The following RAB38 variants were observed in gnomAD, a reference collection of about 807,000 sequenced individuals.
The protein encoded by RAB38 is ras-related protein Rab-38.
In RAB38, 15 loss-of-function variants were observed where a neutral mutation model predicts 18.4. The observed-to-expected ratio is 0.82, with a 90% CI of 0.55 to 1.26. The LOEUF is 1.26. Among genes scored for constraint, RAB38 ranks in the 50% most tolerant of loss-of-function variants. The pLI is 0.00. For synonymous variants in RAB38, 101 were observed against 104.4 expected (o/e 0.97, Z 0.20); for missense variants, 294 against 267.4 (o/e 1.10, Z -0.69).
the RAB38 span, among the ~76,000 whole-genome samples, chr11:88,040,835 A>G: frequency 1.3e-5 from 2 of 152,210 alleles, no homozygotes; most frequent in African/African-American, 2.4e-5. Context: ...AACTCAGCCT[A>G]TAACACTTGC....
At chr11:87,878,578 T>G in the RAB38 span, among the ~76,000 whole-genome samples, 1 of 151,602 alleles carries the variant, frequency 6.6e-6, no homozygotes, top group African/African-American at 2.4e-5. Flanking sequence ...TCGGAGGATG[T>G]TTTTATCAAA....
chr11:87,942,783 T>A, the RAB38 span, among the ~76,000 whole-genome samples: 1 of 152,276 alleles, frequency 6.6e-6, no homozygotes, highest in East Asian at 1.9e-4. Context: ...AATTCTCACT[T>A]AGAGGAATGT....
At chr11:87,889,647 C>T in the RAB38 span, among the ~76,000 whole-genome samples, 1 of 151,858 alleles carries the variant, frequency 6.6e-6, no homozygotes, top group Admixed American at 6.6e-5. Flanking sequence ...AAAAGAAGCA[C>T]ACAGAAGCCA....
chr11:88,054,701 T>C, the RAB38 span, among the ~76,000 whole-genome samples: 1 of 152,220 alleles, frequency 6.6e-6, no homozygotes, highest in African/African-American at 2.4e-5. Flanking sequence ...TTGTTCAGGG[T>C]GATAGATGTG....
At chr11:87,906,835 T>G in the RAB38 span, among the ~76,000 whole-genome samples, 1 of 151,936 alleles carries the variant, frequency 6.6e-6, no homozygotes, top group East Asian at 1.9e-4. Context: ...TATTCACCCA[T>G]TGATATATCT....
the RAB38 span, among the ~76,000 whole-genome samples, chr11:88,084,647 C>G: frequency 1.3e-5 from 2 of 151,806 alleles, no homozygotes; most frequent in African/African-American, 4.8e-5. Flanking sequence ...GGATCCTTCT[C>G]TGACTCTTTT....
chr11:88,113,610 C>A lies in RAB38; in HGVS notation c.*378G>T. On this transcript the variant is annotated 3_prime_UTR_variant, in exon 3 of 3. Coordinates refer to ENST00000243662, the MANE Select transcript of RAB38 (RefSeq NM_022337.3). Reference sequence around the variant, plus strand: ...TATACTGAAATCTGGAAAAAGACACCAGGGCAAGGTGAAAGCCAGTCCTTG... The same window carrying A: ...TATACTGAAATCTGGAAAAAGACACAAGGGCAAGGTGAAAGCCAGTCCTTG... The A allele has an allele frequency of 1.1e-5, 2 of 176,720 alleles. No individual in the cohort carries two copies. Among genetic ancestry groups the A allele is most frequent in the African/African-American group, 2.4e-5 (1 of 42,406 alleles). 10.9% of individuals were successfully genotyped at this position (176,720 alleles called of 1,614,324 possible).
rs779871938 is a variant in RAB38 at position 88,175,344 on chromosome 11, A to G, written c.41T>C (p.Val14Ala). The change falls in exon 1 of 3, where the codon GTG (valine) becomes GCG (alanine). Residue 14 changes from valine to alanine, a missense_variant. Physicochemically the swap from Val to Ala is moderately conservative, Grantham distance 64. Coordinates refer to ENST00000243662, the MANE Select transcript of RAB38 (RefSeq NM_022337.3). ...PHKEHLYKLL[V>A]IGDLGVGKTS... Reference sequence around the variant, plus strand: ...CTTCCCCACGCCCAGGTCGCCAATCACCAGCAACTTGTACAGGTGCTCCTT... The same window carrying G: ...CTTCCCCACGCCCAGGTCGCCAATCGCCAGCAACTTGTACAGGTGCTCCTT... The G allele has an allele frequency of 6.2e-7, 1 of 1,614,184 alleles. No homozygotes were observed. The highest frequency in any genetic ancestry group is 1.1e-5 in the South Asian group (1 of 91,088).
At chr11:87,976,720 A>G in the RAB38 span, among the ~76,000 whole-genome samples, 17 of 113,422 alleles carry the variant, frequency 1.5e-4, no homozygotes, top group African/African-American at 5.3e-4. Flanking sequence ...TTATATTTCT[A>G]TATATTTTAT....
At chr11:87,952,246 T>C in the RAB38 span, among the ~76,000 whole-genome samples, 1 of 152,176 alleles carries the variant, frequency 6.6e-6, no homozygotes, top group Non-Finnish European at 1.5e-5. Flanking sequence ...TTTGTATCTC[T>C]CAAAGTCTTG....
At chr11:87,919,843 G>A in the RAB38 span, among the ~76,000 whole-genome samples, 1 of 151,932 alleles carries the variant, frequency 6.6e-6, no homozygotes, top group Non-Finnish European at 1.5e-5. Context: ...GATTTTATAT[G>A]TCTAGGAATT....
chr11:88,128,371 A>T (rs999347519), intron 2 of RAB38, among the ~76,000 whole-genome samples: 2 of 152,198 alleles, frequency 1.3e-5, no homozygotes, highest in Non-Finnish European at 2.9e-5. Flanking sequence ...AGATTTCTCA[A>T]ATTGAGAATT....
the RAB38 span, among the ~76,000 whole-genome samples, chr11:87,838,122 T>TA: frequency 0.012 from 1,755 of 141,358 alleles, 18 homozygotes; most frequent in East Asian, 0.041. Flanking sequence ...TATTTTTATT[T>TA]TTTTTTTTTT....
intron 2 of RAB38, among the ~76,000 whole-genome samples, chr11:88,143,083 G>A (rs1942936379): frequency 6.6e-6 from 1 of 152,184 alleles, no homozygotes; most frequent in African/African-American, 2.4e-5. Context: ...GCAATGTGGT[G>A]GTTGGGTGGC....
At chr11:87,871,761 A>C in the RAB38 span, among the ~76,000 whole-genome samples, 25 of 151,684 alleles carry the variant, frequency 1.6e-4, no homozygotes, top group African/African-American at 5.3e-4. Context: ...TGAAATTTAT[A>C]TAAGTAGAAG....
At chr11:88,154,428 A>T (rs1331276969) in intron 1 of RAB38, among the ~76,000 whole-genome samples, 1 of 152,194 alleles carries the variant, frequency 6.6e-6, no homozygotes, top group Non-Finnish European at 1.5e-5. Context: ...ATAAAGCTGC[A>T]GTTTCTACTG....
the RAB38 span, among the ~76,000 whole-genome samples, chr11:87,950,794 C>A: frequency 1.3e-5 from 2 of 152,166 alleles, no homozygotes; most frequent in East Asian, 1.9e-4. Flanking sequence ...GGTAACCCGA[C>A]CTTTCTCTCT....
chr11:87,825,316 A>C, the RAB38 span, among the ~76,000 whole-genome samples: 3 of 152,176 alleles, frequency 2.0e-5, no homozygotes, highest in African/African-American at 7.2e-5. Flanking sequence ...ATGCTGTGTT[A>C]GTTTGCTAGG....
At chr11:87,887,700 G>A in the RAB38 span, among the ~76,000 whole-genome samples, 1 of 151,892 alleles carries the variant, frequency 6.6e-6, no homozygotes, top group African/African-American at 2.4e-5. Flanking sequence ...TTCATGTCAT[G>A]GCCAGACCTT....
Sources: gnomAD v4.1 joint callset for allele counts (sites outside exome capture counted in the v4.1 genomes callset) on GRCh38, gnomAD v4.1.1 for gene constraint, MANE v1.5 for transcripts, NCBI Gene and HGNC (gene_info 2026-07-23, HGNC 2026-07-21) for gene names.